Variants in LRRTM3 observed in about 807,000 individuals in gnomAD.
LRRTM3 encodes the protein leucine rich repeat transmembrane neuronal 3.
LRRTM3 carries 24 observed loss-of-function variants against 44.7 expected under a neutral mutation model. The observed-to-expected ratio is 0.54, with a 90% confidence interval of 0.39 to 0.76. The LOEUF (loss-of-function observed/expected upper bound fraction) is 0.76. LRRTM3 is among the 30% of genes least tolerant of loss of function. The pLI is 0.00. For missense variants in LRRTM3, 587 were observed against 702.2 expected (o/e 0.84, Z 1.85); for synonymous variants, 277 against 278.7 (o/e 0.99, Z 0.06).
intron 2 of LRRTM3, among the ~76,000 whole-genome samples, chr10:67,026,826 A>G (rs1853420565): frequency 6.6e-6 from 1 of 152,228 alleles, no homozygotes; most frequent in Non-Finnish European, 1.5e-5. Flanking sequence ...TGTGTTAATT[A>G]AAAGAGTTCA....
intron 2 of LRRTM3, among the ~76,000 whole-genome samples, chr10:67,076,358 C>A (rs1297822537): frequency 1.3e-5 from 2 of 152,226 alleles, no homozygotes; most frequent in Non-Finnish European, 2.9e-5. Flanking sequence ...GTAGGGCTGG[C>A]AGCTTGTTCA....
rs1377304350 is a variant in LRRTM3 at position 66,947,400 on chromosome 10, A to G, written c.1536+18948A>G. ...ATTGAAATTACCATTTCACTATATC[A>G]CAAGGTATTTTCTTTATGAGGGTCC... On this transcript the variant is annotated intron_variant, in intron 2 of 2. Coordinates refer to ENST00000361320, the MANE Select transcript of LRRTM3 (RefSeq NM_178011.5). 2.6e-5 allele frequency among the ~76,000 whole-genome samples: 4 copies of G among 152,162 alleles called. No homozygotes were observed. In the East Asian group the frequency reaches 7.7e-4, roughly 29 times the overall value.
In LRRTM3 at chr10:66,927,715, G is replaced by C; in HGVS notation, c.799G>C (p.Ala267Pro). 1 of 1,614,208 alleles carries C rather than the reference G, an allele frequency of 6.2e-7. No homozygotes were observed. The highest frequency in any genetic ancestry group is 8.5e-7 in the Non-Finnish European group (1 of 1,180,048). The change falls in exon 2 of 3, where the codon GCT (alanine) becomes CCT (proline). Residue 267 changes from alanine (A) to proline (P), a missense_variant. Physicochemically the swap from Ala to Pro is conservative, Grantham distance 27. Around this residue, in one of 3 missense-constraint regions of LRRTM3, gnomAD observed 222 missense variants for 323.3 expected, o/e 0.69. Transcript: ENST00000361320. This position sits in a 1 kb window ranked among gnomAD's most constrained non-coding sequence, Gnocchi z 4.7. ...TGATTTATCAGGCAATGAGATCGAA[G>C]CTTTCAGTGGACCCAGTGTTTTCCA... ...RLDLSGNEIE[A>P]FSGPSVFQCV...
intron 2 of LRRTM3, among the ~76,000 whole-genome samples, chr10:67,065,703 G>C (rs1856032392): frequency 6.6e-6 from 1 of 152,008 alleles, no homozygotes; most frequent in Admixed American, 6.6e-5. Flanking sequence ...AGAACTCCAA[G>C]GTCCTAGATA....
At chr10:66,963,307 G>A (rs1849225189) in intron 2 of LRRTM3, among the ~76,000 whole-genome samples, 1 of 152,158 alleles carries the variant, frequency 6.6e-6, no homozygotes, top group African/African-American at 2.4e-5. Flanking sequence ...CAACTTGTGA[G>A]CTGTGTAGCA....
At chr10:67,023,359 A>G (rs1275099110) in intron 2 of LRRTM3, among the ~76,000 whole-genome samples, 1 of 152,160 alleles carries the variant, frequency 6.6e-6, no homozygotes, top group African/African-American at 2.4e-5. Flanking sequence ...ATGGCTTTTC[A>G]TGCTTCCTGA....
At chr10:67,086,865 T>C (rs760944197) in intron 2 of LRRTM3, among the ~76,000 whole-genome samples, 1 of 152,026 alleles carries the variant, frequency 6.6e-6, no homozygotes. Context: ...GCCATACTTA[T>C]ATAAACCTAG....
chr10:66,967,060 T>C (rs544409467), intron 2 of LRRTM3, among the ~76,000 whole-genome samples: 1 of 152,144 alleles, frequency 6.6e-6, no homozygotes, highest in African/African-American at 2.4e-5. Context: ...ACATAGAACC[T>C]GGTACCACTA....
At chr10:67,047,688 C>A (rs568418966) in intron 2 of LRRTM3, among the ~76,000 whole-genome samples, 26 of 151,932 alleles carry the variant, frequency 1.7e-4, no homozygotes, top group Non-Finnish European at 5.9e-5. Flanking sequence ...AAATAAATAC[C>A]CATCAGCTTT....
At chr10:67,032,776 T>C (rs1853812743) in intron 2 of LRRTM3, among the ~76,000 whole-genome samples, 1 of 152,172 alleles carries the variant, frequency 6.6e-6, no homozygotes, top group Non-Finnish European at 1.5e-5. Flanking sequence ...CAATTTTCCT[T>C]TTTTTATGTG....
intron 2 of LRRTM3, among the ~76,000 whole-genome samples, chr10:67,091,563 T>C (rs961573326): frequency 1.3e-5 from 2 of 152,052 alleles, no homozygotes; most frequent in African/African-American, 4.8e-5. Context: ...ATTAAAAATA[T>C]AGCTAATTTC....
Position 66,930,775 on chromosome 10 carries a change from T to C in LRRTM3, c.1536+2323T>C, listed in dbSNP as rs1221952760. ...ACCAATATTTTGAAAGCTGTCACTT[T>C]TTAATGCCTAACTTTACTAATAAAC... On this transcript the variant is annotated intron_variant, in intron 2 of 2. Coordinates refer to ENST00000361320, the MANE Select transcript of LRRTM3 (RefSeq NM_178011.5). Among the ~76,000 whole-genome samples, 3 of 152,164 alleles carry C rather than the reference T, an allele frequency of 2.0e-5. No homozygotes were observed. The East Asian group carries it at 5.8e-4, about 29-fold the overall frequency.
At chr10:67,074,954 C>T (rs1183821279) in intron 2 of LRRTM3, among the ~76,000 whole-genome samples, 1 of 152,136 alleles carries the variant, frequency 6.6e-6, no homozygotes, top group African/African-American at 2.4e-5. Flanking sequence ...CTCTACCTCC[C>T]TTTTGCATAT....
intron 2 of LRRTM3, among the ~76,000 whole-genome samples, chr10:66,961,608 T>C (rs1849111884): frequency 6.6e-6 from 1 of 152,160 alleles, no homozygotes. Flanking sequence ...AGTGATTTCA[T>C]CAATACTACT....
chr10:67,053,320 G>T (rs528382668), intron 2 of LRRTM3, among the ~76,000 whole-genome samples: 1 of 152,154 alleles, frequency 6.6e-6, no homozygotes, highest in African/African-American at 2.4e-5. Context: ...GGACATTACT[G>T]GAAAAATCTG....
At chr10:67,054,980 C>CA (rs1486501884) in intron 2 of LRRTM3, 2 of 151,654 alleles carry the variant, frequency 1.3e-5, no homozygotes, top group Non-Finnish European at 3.0e-5. Flanking sequence ...AACTTTCCTC[C>CA]AAAAATCTTA....
At chr10:67,013,430 T>C (rs1363045884) in intron 2 of LRRTM3, among the ~76,000 whole-genome samples, 1 of 152,178 alleles carries the variant, frequency 6.6e-6, no homozygotes, top group African/African-American at 2.4e-5. Context: ...TCATTTCCAA[T>C]AAGCAAAGCA....
chr10:67,061,311 A>G (rs779048482), intron 2 of LRRTM3, among the ~76,000 whole-genome samples: 1 of 152,214 alleles, frequency 6.6e-6, no homozygotes, highest in Non-Finnish European at 1.5e-5. Flanking sequence ...CATCAGGTGC[A>G]TATTGCTACA....
intron 2 of LRRTM3, among the ~76,000 whole-genome samples, chr10:66,976,923 G>A (rs538251871): frequency 6.6e-6 from 1 of 152,060 alleles, no homozygotes; most frequent in Admixed American, 6.6e-5. Flanking sequence ...CTTATCATTT[G>A]GTTACTGAAA....
Sources: gnomAD v4.1 joint callset for allele counts (sites outside exome capture counted in the v4.1 genomes callset) on GRCh38, gnomAD v4.1.1 for gene constraint, gnomAD v4.1.1 regional missense constraint, Gnocchi (gnomAD v3.1) non-coding constraint, MANE v1.5 for transcripts, NCBI Gene and HGNC (gene_info 2026-07-23, HGNC 2026-07-21) for gene names.